The following EPHA3 variants were observed in gnomAD, a reference collection of about 807,000 sequenced individuals.
EPHA3 encodes the protein EPH receptor A3, also known as ephrin type-A receptor 3.
In EPHA3, 42 loss-of-function variants were observed where a neutral mutation model predicts 107.1. The observed-to-expected ratio is 0.39, with a 90% CI of 0.31 to 0.51. The LOEUF is 0.51. EPHA3 is among the 20% of genes least tolerant of loss of function. The pLI, the probability that EPHA3 is intolerant of heterozygous loss-of-function variation, is 0.78. For missense variants in EPHA3, 1,183 were observed against 1,211.2 expected (o/e 0.98, Z 0.35); for synonymous variants, 461 against 424.8 (o/e 1.09, Z -1.05).
intron 10 of EPHA3, 69 bp from the exon 11 acceptor site, chr3:89,419,136 G>C: frequency 7.0e-7 from 1 of 1,424,296 alleles, no homozygotes; most frequent in Non-Finnish European, 9.4e-7. Context: ...AAATAAAACA[G>C]TTGCTCTCTA....
intron 3 of EPHA3, among the ~76,000 whole-genome samples, chr3:89,214,847 G>T (rs1704187377): frequency 6.6e-6 from 1 of 151,706 alleles, no homozygotes; most frequent in Admixed American, 6.6e-5. Context: ...GGTTTTAACT[G>T]GTTTGATTTA....
intron 3 of EPHA3, among the ~76,000 whole-genome samples, chr3:89,326,029 T>A (rs377414773): frequency 6.6e-6 from 1 of 151,280 alleles, no homozygotes; most frequent in East Asian, 1.9e-4. Flanking sequence ...TTGTTTTAAA[T>A]AAATGCTTAT....
chr3:89,258,761 CAAAGAT>C (rs1705345587), intron 3 of EPHA3, among the ~76,000 whole-genome samples: 1 of 152,126 alleles, frequency 6.6e-6, no homozygotes, highest in Admixed American at 6.6e-5. Context: ...CCACCTCAGT[CAAAGAT>C]AAAGTCAATT....
intron 2 of EPHA3, among the ~76,000 whole-genome samples, chr3:89,150,480 C>T (rs146066369): frequency 6.6e-6 from 1 of 151,996 alleles, no homozygotes; most frequent in Non-Finnish European, 1.5e-5. Flanking sequence ...GGTACCCATG[C>T]ACCTCATTTG....
intron 3 of EPHA3, among the ~76,000 whole-genome samples, chr3:89,255,561 A>T (rs980544670): frequency 2.6e-5 from 4 of 152,232 alleles, no homozygotes; most frequent in Admixed American, 6.5e-5. Context: ...AATATTTACT[A>T]TCTGGCTCTT....
chr3:89,421,728 A>G (rs1468076633), intron 11 of EPHA3, among the ~76,000 whole-genome samples: 2 of 151,300 alleles, frequency 1.3e-5, no homozygotes, highest in East Asian at 3.9e-4. Flanking sequence ...TTACTGGATG[A>G]TAAGCAACAT....
intron 7 of EPHA3, among the ~76,000 whole-genome samples, chr3:89,405,861 G>A (rs1576362335): frequency 1.3e-5 from 2 of 152,266 alleles, no homozygotes; most frequent in South Asian, 4.1e-4. Context: ...GATGCTTATG[G>A]AGTTTGTAGG....
At chr3:89,214,163 A>T (rs1436214304) in intron 3 of EPHA3, among the ~76,000 whole-genome samples, 2 of 151,958 alleles carry the variant, frequency 1.3e-5, no homozygotes, top group Non-Finnish European at 2.9e-5. Flanking sequence ...ATTTAGCCAA[A>T]AGCTCTTGTC....
intron 1 of EPHA3, among the ~76,000 whole-genome samples, chr3:89,118,757 A>G (rs1049089435): frequency 6.6e-6 from 1 of 151,922 alleles, no homozygotes; most frequent in Non-Finnish European, 1.5e-5. Context: ...TTAGTTACCC[A>G]CTAGATTTTG....
intron 13 of EPHA3, 90 bp downstream of exon 13, chr3:89,431,449 C>T (rs898208420): frequency 6.6e-5 from 71 of 1,078,816 alleles, no homozygotes; most frequent in Admixed American, 3.3e-4. Flanking sequence ...TGACCCAAAA[C>T]GTGTTGTCAA....
intron 3 of EPHA3, among the ~76,000 whole-genome samples, chr3:89,276,080 T>C (rs1228484869): frequency 6.6e-6 from 1 of 152,080 alleles, no homozygotes; most frequent in Non-Finnish European, 1.5e-5. Flanking sequence ...GAAAAATGGC[T>C]GTGCTTGCAT....
At chr3:89,315,856 A>G (rs1164530781) in intron 3 of EPHA3, among the ~76,000 whole-genome samples, 1 of 151,824 alleles carries the variant, frequency 6.6e-6, no homozygotes, top group African/African-American at 2.4e-5. Flanking sequence ...ATTCCTTGAG[A>G]ATGGAAAGTT....
chr3:89,444,156 T>C (rs1318703582), intron 13 of EPHA3, among the ~76,000 whole-genome samples: 1 of 152,150 alleles, frequency 6.6e-6, no homozygotes, highest in African/African-American at 2.4e-5. Context: ...TTATAATCTA[T>C]TCAGTTTTTC....
intron 3 of EPHA3, among the ~76,000 whole-genome samples, chr3:89,225,124 T>C (rs1704473244): frequency 6.6e-6 from 1 of 152,156 alleles, no homozygotes; most frequent in South Asian, 2.1e-4. Context: ...TATGTTAAGA[T>C]CTAAAGACGT....
chr3:89,111,856 C>T (rs1435940573), intron 1 of EPHA3, among the ~76,000 whole-genome samples: 1 of 152,010 alleles, frequency 6.6e-6, no homozygotes. Flanking sequence ...TCATACTATT[C>T]CAGTCCTTGT....
chr3:89,281,939 T>C (rs1314077871), intron 3 of EPHA3, among the ~76,000 whole-genome samples: 2 of 152,216 alleles, frequency 1.3e-5, no homozygotes, highest in Non-Finnish European at 1.5e-5. Context: ...TTTTTAACAG[T>C]GTCTAGTTAT....
intron 3 of EPHA3, among the ~76,000 whole-genome samples, chr3:89,319,961 G>T (rs1160038304): frequency 1.3e-5 from 2 of 151,564 alleles, no homozygotes; most frequent in Non-Finnish European, 2.9e-5. Context: ...AGAACAAAGT[G>T]GTATTTATAA....
intron 3 of EPHA3, among the ~76,000 whole-genome samples, chr3:89,266,500 A>G (rs1041557034): frequency 6.6e-5 from 10 of 152,160 alleles, no homozygotes; most frequent in Non-Finnish European, 1.2e-4. Flanking sequence ...TAACACATAA[A>G]TCAGTGAACT....
At chr3:89,414,164 A>G (rs1162442182) in intron 10 of EPHA3, among the ~76,000 whole-genome samples, 1 of 151,684 alleles carries the variant, frequency 6.6e-6, no homozygotes, top group Non-Finnish European at 1.5e-5. Context: ...ATGTGTCTTT[A>G]CAAAAATGTA....
Sources: allele counts gnomAD v4.1 joint callset (sites outside exome capture counted in the v4.1 genomes callset), GRCh38; gene constraint gnomAD v4.1.1; transcripts MANE v1.5; gene names NCBI Gene and HGNC (gene_info 2026-07-23, HGNC 2026-07-21).